The following TET1 variants were observed in gnomAD, a reference collection of about 807,000 sequenced individuals.
The protein encoded by TET1 is methylcytosine dioxygenase TET1.
Under a neutral mutation model 148.7 loss-of-function variants are expected in TET1, and 13 were observed. The observed-to-expected ratio is 0.09, with a 90% CI of 0.06 to 0.14. The LOEUF (loss-of-function observed/expected upper bound fraction) is 0.14. Among genes scored for constraint, TET1 ranks in the 10% least tolerant of loss-of-function variants. The pLI is 1.00. For synonymous variants in TET1, 907 were observed against 937.2 expected (o/e 0.97, Z 0.59); for missense variants, 2,182 against 2,553.8 (o/e 0.85, Z 3.14).
chr10:68,620,669 A>C (rs1222766258), intron 3 of TET1, among the ~76,000 whole-genome samples: 1 of 151,164 alleles, frequency 6.6e-6, no homozygotes, highest in Non-Finnish European at 1.5e-5. Context: ...ACATGTTTTC[A>C]CTCTTCTTGG....
At chr10:68,682,524 G>C (rs902708228) in intron 9 of TET1, among the ~76,000 whole-genome samples, 1 of 152,062 alleles carries the variant, frequency 6.6e-6, no homozygotes, top group Admixed American at 6.6e-5. Flanking sequence ...TGATTAATGC[G>C]CTTTTATTGG....
intron 3 of TET1, among the ~76,000 whole-genome samples, chr10:68,613,379 A>G (rs1486569595): frequency 6.6e-6 from 1 of 152,184 alleles, no homozygotes; most frequent in African/African-American, 2.4e-5. Context: ...AAATTTCAGT[A>G]AGTTTCAGGT....
At chr10:68,684,188 T>C (rs1425353434) in intron 10 of TET1, among the ~76,000 whole-genome samples, 1 of 152,120 alleles carries the variant, frequency 6.6e-6, no homozygotes, top group Admixed American at 6.5e-5. Flanking sequence ...CCGGGAGTTC[T>C]AGACCAGCCT....
At chr10:68,683,067 A>T (rs2055457865) in intron 10 of TET1, 94 bp downstream of exon 10, 4 of 1,407,884 alleles carry the variant, frequency 2.8e-6, no homozygotes, top group Admixed American at 2.5e-5. Context: ...TTACTGTGAA[A>T]AATCTTAATT....
chr10:68,644,505 C>T (rs2054809843), intron 3 of TET1, among the ~76,000 whole-genome samples, 193 bp from the exon 4 acceptor site: 1 of 152,146 alleles, frequency 6.6e-6, no homozygotes, highest in African/African-American at 2.4e-5. Flanking sequence ...TATGCCTAGC[C>T]TAGTTGTCTT....
At chr10:68,593,545 C>T (rs547862211) in intron 2 of TET1, among the ~76,000 whole-genome samples, 12 of 152,120 alleles carry the variant, frequency 7.9e-5, no homozygotes, top group African/African-American at 2.9e-4. Flanking sequence ...TCAAGGGATT[C>T]TCTTGCCTCA....
At position 68,571,428 on chromosome 10, in the gene TET1, T is replaced by C. The variant is rs374454989; in HGVS notation, c.-122-789T>C. ...AAGTGATTCTCCTGCTTCAGCCTCCTGAGTAGTTGAGATTATAGGTGTGCA... is the reference window on the plus strand; with the variant it reads ...AAGTGATTCTCCTGCTTCAGCCTCCCGAGTAGTTGAGATTATAGGTGTGCA... On this transcript the variant is annotated intron_variant, in intron 1 of 11. Coordinates refer to ENST00000373644, the MANE Select transcript of TET1 (RefSeq NM_030625.3). 3.2e-4 allele frequency among the ~76,000 whole-genome samples: 49 copies of C among 151,304 alleles called. 2 individuals are homozygous for C. In the East Asian group the frequency reaches 7.0e-3, roughly 22 times the overall value.
intron 6 of TET1, among the ~76,000 whole-genome samples, chr10:68,653,367 T>TA (rs2054969359): frequency 6.6e-6 from 1 of 152,208 alleles, no homozygotes; most frequent in African/African-American, 2.4e-5. Context: ...GAGATTGCTC[T>TA]AATTATTTAG....
intron 3 of TET1, among the ~76,000 whole-genome samples, chr10:68,624,662 C>CTTTCTTTCTTTCTTTCTTTCTT (rs1564975112): frequency 6.2e-5 from 5 of 81,286 alleles, no homozygotes; most frequent in Admixed American, 1.4e-4. Flanking sequence ...CTTTCTTTCT[C>CTTTCTTTCTTTCTTTCTTTCTT]TCTCTCTCTC....
chr10:68,603,735 A>T (rs1420062076), intron 3 of TET1, among the ~76,000 whole-genome samples: 1 of 152,178 alleles, frequency 6.6e-6, no homozygotes, highest in Non-Finnish European at 1.5e-5. Flanking sequence ...CACATGAGCT[A>T]TATGCACTCC....
intron 3 of TET1, among the ~76,000 whole-genome samples, chr10:68,639,463 C>CTAA (rs1554941098): frequency 7.2e-4 from 36 of 50,112 alleles, no homozygotes; most frequent in Admixed American, 3.1e-3. Flanking sequence ...ACTACTACTA[C>CTAA]TACTATTATT....
At chr10:68,562,756 C>G (rs2053567589) in intron 1 of TET1, among the ~76,000 whole-genome samples, 1 of 152,052 alleles carries the variant, frequency 6.6e-6, no homozygotes, top group South Asian at 2.1e-4. Flanking sequence ...CCCTTTGTTT[C>G]TCTTCCTTCT....
At chr10:68,661,975 A>C (rs756515341) in intron 6 of TET1, among the ~76,000 whole-genome samples, 4 of 148,996 alleles carry the variant, frequency 2.7e-5, no homozygotes, top group Non-Finnish European at 5.9e-5. Flanking sequence ...TCTGTGGTTC[A>C]AGCGATTCTC....
chr10:68,639,463 C>T (rs200624582), intron 3 of TET1, among the ~76,000 whole-genome samples: 3,120 of 49,994 alleles, frequency 0.062, 98 homozygotes, highest in African/African-American at 0.11. Flanking sequence ...ACTACTACTA[C>T]TACTATTATT....
At chr10:68,565,474 AAATAT>A (rs1290253973) in intron 1 of TET1, among the ~76,000 whole-genome samples, 2 of 53,836 alleles carry the variant, frequency 3.7e-5, no homozygotes, top group African/African-American at 5.6e-5. Flanking sequence ...TAAAAAAAAA[AAATAT>A]ATATATATAT....
chr10:68,608,210 G>A (rs554491545), intron 3 of TET1, among the ~76,000 whole-genome samples: 7 of 152,064 alleles, frequency 4.6e-5, no homozygotes, highest in Non-Finnish European at 1.0e-4. Context: ...TTATAGGCAT[G>A]AGCCACCGTG....
At chr10:68,668,769 A>G (rs1724971067) in intron 7 of TET1, among the ~76,000 whole-genome samples, 1 of 152,188 alleles carries the variant, frequency 6.6e-6, no homozygotes, top group South Asian at 2.1e-4. Flanking sequence ...TAAGGCCAAG[A>G]GTTCAAAAGC....
intron 8 of TET1, among the ~76,000 whole-genome samples, chr10:68,679,049 T>C (rs983654431): frequency 1.3e-5 from 2 of 151,802 alleles, no homozygotes; most frequent in African/African-American, 4.8e-5. Flanking sequence ...TGGTGGCTCA[T>C]GCTTGTAATT....
chr10:68,624,446 C>T (rs1359625451), intron 3 of TET1, among the ~76,000 whole-genome samples: 1 of 151,994 alleles, frequency 6.6e-6, no homozygotes, highest in East Asian at 1.9e-4. Flanking sequence ...TGCGCCACCA[C>T]ACCCAGCTAA....
Sources: gnomAD v4.1 joint callset for allele counts (sites outside exome capture counted in the v4.1 genomes callset) on GRCh38, gnomAD v4.1.1 for gene constraint, MANE v1.5 for transcripts, NCBI Gene and HGNC (gene_info 2026-07-23, HGNC 2026-07-21) for gene names.